EPHX1: variants seen among roughly 807,000 people sequenced by gnomAD.
The protein encoded by EPHX1 is epoxide hydratase.
In EPHX1, 40 loss-of-function variants were observed where a neutral mutation model predicts 43.2. The ratio of observed to expected loss-of-function variants is 0.93; its 90% CI spans 0.72 to 1.21. EPHX1 has a LOEUF of 1.21. EPHX1 is among the 50% of genes most tolerant of loss of function. The pLI is 0.00. For missense variants in EPHX1, 550 were observed against 570.4 expected (o/e 0.96, Z 0.36); for synonymous variants, 221 against 226.7 (o/e 0.98, Z 0.22).
chr1:225,836,051 T>A (rs1667947291), intron 3 of EPHX1, among the ~76,000 whole-genome samples: 1 of 150,996 alleles, frequency 6.6e-6, no homozygotes, highest in Non-Finnish European at 1.5e-5. Context: ...ATTGTTAAGT[T>A]AAAAAAAAAG....
At chr1:225,816,992 CT>C (rs1013625771) in intron 1 of EPHX1, among the ~76,000 whole-genome samples, 1 of 152,228 alleles carries the variant, frequency 6.6e-6, no homozygotes, top group East Asian at 1.9e-4. Context: ...TCTCCTGACA[CT>C]TTTTACTGCT....
chr1:225,821,252 CT>C (rs1190818843), intron 1 of EPHX1, among the ~76,000 whole-genome samples: 5 of 148,524 alleles, frequency 3.4e-5, no homozygotes, highest in Non-Finnish European at 3.0e-5. Context: ...TCTACCTTTT[CT>C]TTTTTTTTTG....
chr1:225,830,240 T>C (rs1667504404), intron 2 of EPHX1, among the ~76,000 whole-genome samples: 2 of 152,174 alleles, frequency 1.3e-5, no homozygotes, highest in Non-Finnish European at 2.9e-5. Flanking sequence ...AGCCTTGCTA[T>C]TTAGGGCCAA....
intron 1 of EPHX1, among the ~76,000 whole-genome samples, chr1:225,826,447 C>CAAAAAAAAAAAA (rs374232833): frequency 1.2e-5 from 1 of 84,182 alleles, no homozygotes; most frequent in Admixed American, 1.4e-4. Flanking sequence ...GACTCTGTCT[C>CAAAAAAAAAAAA]AAAAAAAAAA....
intron 3 of EPHX1, among the ~76,000 whole-genome samples, chr1:225,833,524 G>A (rs562512539): frequency 1.4e-3 from 206 of 152,154 alleles, no homozygotes; most frequent in African/African-American, 4.6e-3. Context: ...GGCTGGGCAC[G>A]GTGGCGCACG....
At position 225,844,486 on chromosome 1, in the gene EPHX1, C is replaced by T. The variant is rs1023739056; in HGVS notation, c.1041-12C>T. On this transcript the variant is annotated splice_polypyrimidine_tract_variant and intron_variant, in intron 7 of 8. Transcript: ENST00000272167. ...GGCACTGAGAGTGGGGCTTTGTGTT[C>T]TGCGTTCCCAGGAAGTTCTCCCTGG... 1.5e-5 allele frequency: 25 copies of T among 1,613,980 alleles called. No homozygotes were observed. The Middle Eastern group carries it at 9.9e-4, about 64-fold the overall frequency.
At position 225,831,965 on chromosome 1, in the gene EPHX1, T is replaced by C; in HGVS notation, c.364+6T>C. 1.9e-6 allele frequency: 3 copies of C among 1,613,922 alleles called. No individual in the cohort carries two copies. Among genetic ancestry groups the C allele is most frequent in the Non-Finnish European group, 2.5e-6 (3 of 1,179,932 alleles). On this transcript the variant is annotated splice_donor_region_variant and intron_variant, in intron 3 of 8. Transcript: ENST00000272167. ...CTTCAAGACTAAGATTGAAGGTATG[T>C]TTGCAAAACGCCAGCCAGAGAGGGA...
chr1:225,815,445 G>A lies in EPHX1; in HGVS notation c.-6+5276G>A, dbSNP rs1666681294. 2.3e-5 allele frequency among the ~76,000 whole-genome samples: 3 copies of A among 133,040 alleles called. 1 individual carries two copies. The highest frequency in any genetic ancestry group is 8.9e-5 in the African/African-American group (3 of 33,552). The allele number at this position is 133,040 out of a possible 152,430, so 87.3% of individuals were successfully genotyped here. A position where few individuals can be genotyped will look rare whatever the true frequency, so the allele number is the denominator to read the frequency against. On this transcript the variant is annotated intron_variant, in intron 1 of 8. Coordinates refer to ENST00000272167, the MANE Select transcript of EPHX1 (RefSeq NM_001136018.4). The stretch of plus-strand genomic sequence containing the variant: ...TTTTTTTTTTTTTTGTAGAGACAAG[G>A]TTTCACTGTGTTGCCCAGGCTGGTC...
chr1:225,840,195 A>G (rs1668287395), intron 6 of EPHX1, among the ~76,000 whole-genome samples, 158 bp downstream of exon 6: 1 of 152,230 alleles, frequency 6.6e-6, no homozygotes, highest in South Asian at 2.1e-4. Context: ...ATTTTCCCAT[A>G]GAATCAAGAG....
At position 225,844,607 on chromosome 1, in the gene EPHX1, A is replaced by C; in HGVS notation, c.1150A>C (p.Thr384Pro). 1 of 1,614,040 alleles carries C rather than the reference A, an allele frequency of 6.2e-7. No homozygotes were observed. The highest frequency in any genetic ancestry group is 1.3e-5 in the African/African-American group (1 of 75,006). Reference sequence around the variant, plus strand: ...GGAGAACCTGGGACAGGGCTGGATGACCCAGAAGCATGAGCGGTGAGCCTG... The same window carrying C: ...GGAGAACCTGGGACAGGGCTGGATGCCCCAGAAGCATGAGCGGTGAGCCTG... ...YKENLGQGWM[T>P]QKHERMKVYV... The change falls in exon 8 of 9, where the codon ACC becomes CCC. Residue 384 changes from threonine to proline, a missense_variant. Thr to Pro is a conservative substitution (Grantham distance 38). Coordinates refer to ENST00000272167, the MANE Select transcript of EPHX1 (RefSeq NM_001136018.4).
At chr1:225,834,282 G>A (rs1391548218) in intron 3 of EPHX1, among the ~76,000 whole-genome samples, 1 of 151,626 alleles carries the variant, frequency 6.6e-6, no homozygotes, top group Admixed American at 6.6e-5. Flanking sequence ...GCACGTGCCT[G>A]TAGTTCCAGC....
At chr1:225,833,761 C>CTCCA (rs1667756833) in intron 3 of EPHX1, among the ~76,000 whole-genome samples, 1 of 144,298 alleles carries the variant, frequency 6.9e-6, no homozygotes, top group Non-Finnish European at 1.5e-5. Context: ...CACCACTGCA[C>CTCCA]TCCAGCCTGG....
intron 1 of EPHX1, among the ~76,000 whole-genome samples, chr1:225,824,820 G>C (rs1400401704): frequency 6.6e-6 from 1 of 152,174 alleles, no homozygotes; most frequent in Non-Finnish European, 1.5e-5. Flanking sequence ...AGCGGGGTTG[G>C]AAACCCACCC....
rs1458250069 is a variant in EPHX1 at position 225,831,846 on chromosome 1, G to T, written c.251G>T (p.Gly84Val). ...TTGGAGGACAGCTGCTTCCACTATG[G>T]CTTCAACTCCAACTACCTGAAGAAA... ...PPLEDSCFHY[G>V]FNSNYLKKVI... is the part of the protein sequence containing the mutation. The change falls in exon 3 of 9, where the codon GGC (glycine) becomes GTC (valine). Residue 84 changes from glycine to valine, a missense_variant. By Grantham distance (109) the Gly-to-Val change is moderately radical. Transcript: ENST00000272167. The T allele has an allele frequency of 6.2e-7, 1 of 1,613,992 alleles. No individual in the cohort carries two copies. The highest frequency in any genetic ancestry group is 1.3e-5 in the African/African-American group (1 of 74,906).
intron 1 of EPHX1, among the ~76,000 whole-genome samples, chr1:225,819,705 A>G (rs537217176): frequency 4.6e-5 from 7 of 152,316 alleles, no homozygotes; most frequent in Admixed American, 1.3e-4. Context: ...GACAAAGTTT[A>G]GGGGGACAGG....
chr1:225,811,135 C>T (rs569510563), intron 1 of EPHX1, among the ~76,000 whole-genome samples: 8 of 152,240 alleles, frequency 5.3e-5, no homozygotes, highest in Admixed American at 3.3e-4. Context: ...TAGTTGAAGC[C>T]AGGGAATGTG....
At chr1:225,837,105 G>C (rs1668008621) in intron 3 of EPHX1, among the ~76,000 whole-genome samples, 1 of 152,212 alleles carries the variant, frequency 6.6e-6, no homozygotes, top group South Asian at 2.1e-4. Flanking sequence ...ATTCTTTGCA[G>C]TTTTTCAGCA....
At chr1:225,810,765 T>TGGGG (rs71281014) in intron 1 of EPHX1, 1 of 89,244 alleles carries the variant, frequency 1.1e-5, no homozygotes, top group African/African-American at 6.1e-5. Context: ...GCGGGCAGAG[T>TGGGG]GGGGGGGGTC....
intron 1 of EPHX1, among the ~76,000 whole-genome samples, chr1:225,818,430 T>C (rs994100104): frequency 6.6e-5 from 10 of 151,996 alleles, no homozygotes; most frequent in Admixed American, 6.6e-4. Flanking sequence ...CTTGCTGGGA[T>C]AGGTCAGGAG....
Sources: allele counts gnomAD v4.1 joint callset (sites outside exome capture counted in the v4.1 genomes callset), GRCh38; gene constraint gnomAD v4.1.1; transcripts MANE v1.5; gene names NCBI Gene and HGNC (gene_info 2026-07-23, HGNC 2026-07-21).